CPEB4: variants seen among roughly 807,000 people sequenced by gnomAD.
CPEB4 encodes the protein cytoplasmic polyadenylation element-binding protein 4.
Under a neutral mutation model 72.5 loss-of-function variants are expected in CPEB4, and 12 were observed. The observed-to-expected ratio is 0.17, with a 90% CI of 0.11 to 0.27. The LOEUF is 0.27. CPEB4 is among the 10% of genes least tolerant of loss of function. CPEB4 has a pLI of 1.00. For synonymous variants in CPEB4, 302 were observed against 326.3 expected, an observed-to-expected ratio of 0.93 and a Z score of 0.80; for missense variants, 614 against 908.5, an observed-to-expected ratio of 0.68 and a Z score of 4.17.
chr5:173,952,337 AT>A (rs1371502349), intron 8 of CPEB4, among the ~76,000 whole-genome samples: 1 of 152,176 alleles, frequency 6.6e-6, no homozygotes, highest in Non-Finnish European at 1.5e-5. Flanking sequence ...CTGTATTGAG[AT>A]TGTCAGTATT....
chr5:173,940,045 T>C lies in CPEB4; in HGVS notation c.1259-2981T>C, dbSNP rs1483290371. Among the ~76,000 whole-genome samples the C allele has an allele frequency of 3.5e-4, 53 of 150,694 alleles. 1 individual carries two copies. The highest frequency in any genetic ancestry group is 3.5e-3 in the Admixed American group (53 of 15,116). ...ATTGCTTGAATCTGGGAGGCAGAGG[T>C]TGCAGTGAGCTGAGATCGTGCCACC... On this transcript the variant is annotated intron_variant, in intron 3 of 9. Coordinates refer to ENST00000265085, the MANE Select transcript of CPEB4 (RefSeq NM_030627.4).
At chr5:173,928,936 A>G (rs975617498) in intron 2 of CPEB4, among the ~76,000 whole-genome samples, 4 of 152,246 alleles carry the variant, frequency 2.6e-5, no homozygotes, top group Non-Finnish European at 1.5e-5. Context: ...ACTTATGTTA[A>G]AATTTAAGTA....
chr5:173,924,280 A>G (rs551533049), intron 2 of CPEB4, among the ~76,000 whole-genome samples: 1 of 152,300 alleles, frequency 6.6e-6, no homozygotes, highest in South Asian at 2.1e-4. Context: ...GAATTTTTGA[A>G]GTTTTCATTA....
In CPEB4 at chr5:173,893,547, T is replaced by C. The variant is rs537318120; in HGVS notation, c.1125+2689T>C. Reference sequence around the variant, plus strand: ...ATTTAATTACTATTAAAATAATTCCTTTCTTCTGCAATATTTCTCACAGGG... The same window carrying C: ...ATTTAATTACTATTAAAATAATTCCCTTCTTCTGCAATATTTCTCACAGGG... On this transcript the variant is annotated intron_variant, in intron 1 of 9. Transcript: ENST00000265085. 7.2e-5 allele frequency among the ~76,000 whole-genome samples: 11 copies of C among 152,104 alleles called. No homozygotes were observed. In the East Asian group the frequency reaches 2.0e-3, roughly 27 times the overall value.
chr5:173,889,247 CCT>C lies in CPEB4; in HGVS notation c.-484_-483del, dbSNP rs1224252380. ...AGCTGCCAAGAAAAGAACGTATTCC[CCT>C]CTTAGTCCTATTCTAATTTTTATGT... On this transcript the variant is annotated 5_prime_UTR_variant, in exon 1 of 10. Transcript: ENST00000265085. 1.3e-5 allele frequency: 2 copies of C among 151,514 alleles called. No homozygotes were observed. The highest frequency in any genetic ancestry group is 2.9e-5 in the Non-Finnish European group (2 of 67,916). 9.4% of individuals were successfully genotyped at this position (151,514 alleles called of 1,614,324 possible).
At chr5:173,936,376 T>C (rs1186324996) in intron 3 of CPEB4, among the ~76,000 whole-genome samples, 1 of 152,234 alleles carries the variant, frequency 6.6e-6, no homozygotes, top group East Asian at 1.9e-4. Context: ...ACCAGTCATA[T>C]TGGATTAGGG....
chr5:173,956,676 G>A lies in CPEB4; in HGVS notation c.*539G>A, dbSNP rs1486276831. On this transcript the variant is annotated 3_prime_UTR_variant, in exon 10 of 10. Coordinates refer to ENST00000265085, the MANE Select transcript of CPEB4 (RefSeq NM_030627.4). ...CTTTTTAATTTTTTTAACAGCAATG[G>A]AGGAAGTTAACAATTTTTAATGGAA... 1 of 146,652 alleles carries A rather than the reference G, an allele frequency of 6.8e-6. No homozygotes were observed. Among genetic ancestry groups the A allele is most frequent in the African/African-American group, 2.5e-5 (1 of 39,982 alleles). The allele number at this position is 146,652 out of a possible 1,614,324, so 9.1% of individuals were successfully genotyped here.
At chr5:173,934,201 A>T (rs1243079416) in intron 3 of CPEB4, among the ~76,000 whole-genome samples, 1 of 152,172 alleles carries the variant, frequency 6.6e-6, no homozygotes, top group Non-Finnish European at 1.5e-5. Context: ...AGAAAAAAGT[A>T]TACTATTATG....
At chr5:173,909,925 G>A (rs74860166) in intron 1 of CPEB4, among the ~76,000 whole-genome samples, 15,501 of 151,728 alleles carry the variant, frequency 0.1, 1,065 homozygotes, top group Middle Eastern at 0.21. Context: ...ATTTGAACCC[G>A]GGAGGCAGAG....
At chr5:173,933,745 A>T (rs1757523851) in intron 3 of CPEB4, among the ~76,000 whole-genome samples, 1 of 152,186 alleles carries the variant, frequency 6.6e-6, no homozygotes, top group African/African-American at 2.4e-5. Context: ...TGGGGATATT[A>T]CTGTGTCATC....
Position 173,941,735 on chromosome 5 carries a change from G to A in CPEB4, c.1259-1291G>A, listed in dbSNP as rs575902450. ...CAAAAAAAAAATACAAAAATTAGCT[G>A]GTCGTGGTGGCACACCCCTGTGGTA... On this transcript the variant is annotated intron_variant, in intron 3 of 9. Coordinates refer to ENST00000265085, the MANE Select transcript of CPEB4 (RefSeq NM_030627.4). Among the ~76,000 whole-genome samples the A allele has an allele frequency of 5.3e-5, 8 of 152,252 alleles. No individual in the cohort carries two copies. In the South Asian group the frequency reaches 1.7e-3, roughly 32 times the overall value.
chr5:173,930,310 C>T (rs553961533), intron 2 of CPEB4, among the ~76,000 whole-genome samples: 9 of 152,326 alleles, frequency 5.9e-5, no homozygotes, highest in African/African-American at 9.6e-5. Flanking sequence ...CCCGCCTCGG[C>T]CTCTCAAAGT....
intron 5 of CPEB4, among the ~76,000 whole-genome samples, chr5:173,948,861 C>T (rs989252775): frequency 1.3e-5 from 2 of 152,088 alleles, no homozygotes; most frequent in Non-Finnish European, 2.9e-5. Context: ...GCACTAATCC[C>T]ATTGAAAGGA....
Position 173,950,006 on chromosome 5 carries a change from C to A in CPEB4, c.1593C>A (p.Leu531=). Residue 531 remains leucine (L), a synonymous_variant, in exon 7 of 10, where the codon CTC becomes CTA. Transcript: ENST00000265085. This position sits in a 1 kb window ranked among gnomAD's most constrained non-coding sequence, Gnocchi z 5.0. The part of the protein sequence containing the change: ...LFQDESSVQA[L]IDACIEEDGK... ...AAGATGAAAGCTCTGTGCAGGCTCT[C>A]ATTGATGCATGCATTGAAGAAGATG... The A allele has an allele frequency of 1.2e-6, 2 of 1,612,276 alleles. No individual in the cohort carries two copies. Among genetic ancestry groups the A allele is most frequent in the Non-Finnish European group, 1.7e-6 (2 of 1,179,254 alleles).
At chr5:173,933,907 A>G (rs972553018) in intron 3 of CPEB4, among the ~76,000 whole-genome samples, 1 of 152,176 alleles carries the variant, frequency 6.6e-6, no homozygotes, top group African/African-American at 2.4e-5. Context: ...TCACTTAACT[A>G]GGAAAAAAAA....
At chr5:173,936,792 AT>A (rs1757636506) in intron 3 of CPEB4, among the ~76,000 whole-genome samples, 1 of 151,230 alleles carries the variant, frequency 6.6e-6, no homozygotes, top group South Asian at 2.1e-4. Flanking sequence ...CCACCTCTGT[AT>A]AAAAATGCTT....
chr5:173,895,072 A>G (rs1755955982), intron 1 of CPEB4, among the ~76,000 whole-genome samples: 1 of 152,102 alleles, frequency 6.6e-6, no homozygotes, highest in Non-Finnish European at 1.5e-5. Context: ...TTCACTTCCT[A>G]TGTGGGATTT....
In CPEB4 at chr5:173,927,966, A is replaced by G. The variant is rs117173404; in HGVS notation, c.1208-4484A>G. Among the ~76,000 whole-genome samples, 6 of 152,346 alleles carry G rather than the reference A, an allele frequency of 3.9e-5. No homozygotes were observed. The East Asian group carries it at 1.2e-3, about 29-fold the overall frequency. The stretch of plus-strand genomic sequence containing the variant: ...TCCAAACAATGGACTATTATTAAGC[A>G]CTAAAAAGAAATGAGCAATCAAACC... On this transcript the variant is annotated intron_variant, in intron 2 of 9. Coordinates refer to ENST00000265085, the MANE Select transcript of CPEB4 (RefSeq NM_030627.4).
rs374903076 is a variant in CPEB4, at chr5:173,950,474, G to A, written c.1665+396G>A. On this transcript the variant is annotated intron_variant, in intron 7 of 9. Transcript: ENST00000265085. The surrounding 1 kb of genome is among the most constrained non-coding windows in gnomAD (Gnocchi z 5.0). ...ACAAAAATTAGCCAGGCATGGTGGC[G>A]CACATCTGTAGTCCCAGCTACTTGG... Among the ~76,000 whole-genome samples, 3 of 151,968 alleles carry A rather than the reference G, an allele frequency of 2.0e-5. No homozygotes were observed. The highest frequency in any genetic ancestry group is 2.0e-4 in the Admixed American group (3 of 15,234).
Sources: gnomAD v4.1 joint callset for allele counts (sites outside exome capture counted in the v4.1 genomes callset) on GRCh38, gnomAD v4.1.1 for gene constraint, Gnocchi (gnomAD v3.1) non-coding constraint, MANE v1.5 for transcripts, NCBI Gene and HGNC (gene_info 2026-07-23, HGNC 2026-07-21) for gene names.